SERINC1: variants seen among roughly 807,000 people sequenced by gnomAD.
SERINC1 encodes the protein tumor differentially expressed protein 2.
In SERINC1, 38 loss-of-function variants were observed where a neutral mutation model predicts 52.9. That is an observed-to-expected ratio of 0.72 (90% CI 0.55 to 0.94). The LOEUF is 0.94. Ranked by LOEUF, SERINC1 falls within the 40% of genes least tolerant of loss-of-function variation. SERINC1 has a pLI of 0.00. For missense variants in SERINC1, 471 were observed against 533.9 expected, an observed-to-expected ratio of 0.88 and a Z score of 1.16; for synonymous variants, 198 against 183.1, an observed-to-expected ratio of 1.08 and a Z score of -0.66.
intron 7 of SERINC1, among the ~76,000 whole-genome samples, chr6:122,450,409 G>C (rs1438521516): frequency 2.0e-5 from 3 of 152,198 alleles, no homozygotes; most frequent in Non-Finnish European, 2.9e-5. Flanking sequence ...ACTCAATGAC[G>C]ATGCACCTGG....
chr6:122,447,395 A>T, intron 7 of SERINC1, 130 bp from the exon 8 acceptor site: 1 of 625,532 alleles, frequency 1.6e-6, no homozygotes, highest in Non-Finnish European at 2.7e-6. Flanking sequence ...GCATCAGTAT[A>T]ACAAAAATAA....
chr6:122,458,381 A>C (rs1035822544), intron 2 of SERINC1, 139 bp downstream of exon 2: 12 of 518,460 alleles, frequency 2.3e-5, no homozygotes, highest in Admixed American at 7.2e-5. Flanking sequence ...CTTTTTCCTA[A>C]AAGATTATGA....
Position 122,466,212 on chromosome 6 carries a change from C to T in SERINC1, c.39+5487G>A, listed in dbSNP as rs117886802. On this transcript the variant is annotated intron_variant, in intron 1 of 9. Coordinates refer to ENST00000339697, the MANE Select transcript of SERINC1 (RefSeq NM_020755.4). The stretch of plus-strand genomic sequence containing the variant: ...TCAGTGAGCCGAGATCACGCCACTA[C>T]GCTCCATCCCGGGCAACAAAGCAAG... 2.9e-3 allele frequency among the ~76,000 whole-genome samples: 447 copies of T among 152,304 alleles called. 5 individuals are homozygous for T. The East Asian group carries it at 0.03, about 10-fold the overall frequency.
intron 1 of SERINC1, among the ~76,000 whole-genome samples, chr6:122,463,562 A>G (rs550544468): frequency 2.6e-5 from 4 of 152,322 alleles, no homozygotes; most frequent in East Asian, 1.9e-4. Flanking sequence ...AGATACTTTA[A>G]TAAAAGGCAT....
Position 122,452,158 on chromosome 6 carries a change from A to T in SERINC1, c.590-101T>A, listed in dbSNP as rs960442471. ...AAACAATCTGTCATTTTGTCAAAAA[A>T]TATATTTTAAGCAACTAACATTGTC... On this transcript the variant is annotated intron_variant, in intron 5 of 9. Transcript: ENST00000339697. 2.5e-5 allele frequency: 19 copies of T among 756,926 alleles called. No individual in the cohort carries two copies. The African/African-American group carries it at 2.9e-4, about 12-fold the overall frequency. The allele number at this position is 756,926 out of a possible 1,614,324, so 46.9% of individuals were successfully genotyped here. A position where few individuals can be genotyped will look rare whatever the true frequency, so the allele number is the denominator to read the frequency against.
chr6:122,446,987 T>C lies in SERINC1; in HGVS notation c.1013A>G (p.Asn338Ser). ...VFYSSIRTSN[N>S]SQVNKLTLTS... ...TAGAGTCAGTTTATTAACCTGACTA[T>C]TGTTTGAAGTACGGATGCTGTATGA... Residue 338 changes from asparagine (N) to serine (S), a missense_variant, in exon 9 of 10, where the codon AAT becomes AGT. Transcript: ENST00000339697. The C allele has an allele frequency of 6.2e-7, 1 of 1,610,840 alleles. No homozygotes were observed. Among genetic ancestry groups the C allele is most frequent in the Non-Finnish European group, 8.5e-7 (1 of 1,176,996 alleles).
At chr6:122,451,573 T>C (rs1213691991) in intron 7 of SERINC1, 91 bp downstream of exon 7, 9 of 486,636 alleles carry the variant, frequency 1.8e-5, no homozygotes, top group African/African-American at 1.5e-4. Context: ...AGAAGCCTAA[T>C]TTTTAAGTAA....
Position 122,454,147 on chromosome 6 carries a change from T to C in SERINC1, c.451+4A>G. ...TGTCAAACAACTTAAAAAGGATTTC[T>C]TACCAGTTGTAAAAGTTCCTTCTGG... On this transcript the variant is annotated splice_donor_region_variant and intron_variant, in intron 4 of 9. Coordinates refer to ENST00000339697, the MANE Select transcript of SERINC1 (RefSeq NM_020755.4). The C allele has an allele frequency of 2.6e-6, 4 of 1,524,776 alleles. No individual in the cohort carries two copies. Among genetic ancestry groups the C allele is most frequent in the Non-Finnish European group, 3.6e-6 (4 of 1,116,722 alleles). 94.5% of individuals were successfully genotyped at this position (1,524,776 alleles called of 1,614,324 possible).
intron 1 of SERINC1, among the ~76,000 whole-genome samples, chr6:122,461,706 T>A (rs1200053428): frequency 1.3e-5 from 2 of 149,584 alleles, no homozygotes; most frequent in Non-Finnish European, 3.0e-5. Context: ...TTCCAAAAAT[T>A]AAGGCAAAAT....
At position 122,444,747 on chromosome 6, in the gene SERINC1, AC is replaced by A. The variant is rs1774753604; in HGVS notation, c.*296del. ...TCTAATATAATTTTAAAATAGTCAA[AC>A]AAATTTGTTTTTACTCTTCATTTCA... On this transcript the variant is annotated 3_prime_UTR_variant, in exon 10 of 10. Coordinates refer to ENST00000339697, the MANE Select transcript of SERINC1 (RefSeq NM_020755.4). 1 of 256,690 alleles carries A rather than the reference AC, an allele frequency of 3.9e-6. No homozygotes were observed. The highest frequency in any genetic ancestry group is 1.1e-4 in the South Asian group (1 of 9,466). 15.9% of individuals were successfully genotyped at this position (256,690 alleles called of 1,614,324 possible).
At chr6:122,448,106 CAAAA>C (rs879702470) in intron 7 of SERINC1, among the ~76,000 whole-genome samples, 1 of 65,206 alleles carries the variant, frequency 1.5e-5, no homozygotes, top group Admixed American at 1.8e-4. Flanking sequence ...GACTCTGTCT[CAAAA>C]AAAAAAAAAA....
intron 3 of SERINC1, among the ~76,000 whole-genome samples, chr6:122,454,765 T>G (rs565424252): frequency 6.6e-6 from 1 of 152,184 alleles, no homozygotes; most frequent in East Asian, 1.9e-4. Context: ...ACCTGCTGAG[T>G]TGCTTGCTGA....
chr6:122,471,054 A>T (rs1472672975), intron 1 of SERINC1, among the ~76,000 whole-genome samples: 1 of 151,194 alleles, frequency 6.6e-6, no homozygotes, highest in Non-Finnish European at 1.5e-5. Context: ...GTCATTAGGC[A>T]CAAGGCATGC....
chr6:122,471,126 G>C (rs1221461501), intron 1 of SERINC1, among the ~76,000 whole-genome samples: 1 of 151,388 alleles, frequency 6.6e-6, no homozygotes, highest in African/African-American at 2.4e-5. Context: ...AAACAGTTAC[G>C]GCAGAGCTAT....
At chr6:122,454,343 A>G in intron 3 of SERINC1, 113 bp from the exon 4 acceptor site, 1 of 626,930 alleles carries the variant, frequency 1.6e-6, no homozygotes. Context: ...TGAATGTTCT[A>G]CTTCTTTCTG....
At position 122,451,914 on chromosome 6, in the gene SERINC1, C is replaced by G. The variant is rs1383408917; in HGVS notation, c.733G>C (p.Val245Leu). The G allele has an allele frequency of 1.3e-6, 2 of 1,583,512 alleles. No individual in the cohort carries two copies. The highest frequency in any genetic ancestry group is 1.7e-6 in the Non-Finnish European group (2 of 1,167,156). Residue 245 changes from valine to leucine, a missense_variant, in exon 6 of 10, where the codon GTA becomes CTA. By Grantham distance (32) the Val-to-Leu change is conservative. Transcript: ENST00000339697. Reference sequence around the variant, plus strand: ...TGGATTTTTGGCAGTATAGACATTACAGAAGCACCAACGCAGAGGAGCATG... The same window carrying G: ...TGGATTTTTGGCAGTATAGACATTAGAGAAGCACCAACGCAGAGGAGCATG... ...VNMLLCVGAS[V>L]MSILPKIQES...
intron 7 of SERINC1, among the ~76,000 whole-genome samples, chr6:122,451,268 T>C (rs1030692680): frequency 2.0e-5 from 3 of 152,212 alleles, no homozygotes; most frequent in African/African-American, 7.2e-5. Context: ...CTCAGATGAC[T>C]GTTAGCATTT....
intron 1 of SERINC1, among the ~76,000 whole-genome samples, chr6:122,468,060 A>G (rs1680561059): frequency 6.6e-6 from 1 of 152,258 alleles, no homozygotes; most frequent in Non-Finnish European, 1.5e-5. Context: ...CGCATAGAGA[A>G]GTATGTACAT....
chr6:122,470,858 C>G (rs1252000856), intron 1 of SERINC1, among the ~76,000 whole-genome samples: 1 of 151,952 alleles, frequency 6.6e-6, no homozygotes, highest in Non-Finnish European at 1.5e-5. Context: ...AATGTTTTGC[C>G]TACTATTTTG....
Sources: gnomAD v4.1 joint callset for allele counts (sites outside exome capture counted in the v4.1 genomes callset) on GRCh38, gnomAD v4.1.1 for gene constraint, MANE v1.5 for transcripts, NCBI Gene and HGNC (gene_info 2026-07-23, HGNC 2026-07-21) for gene names.